The following STPG4 variants were observed in gnomAD, a reference collection of about 807,000 sequenced individuals.
The protein encoded by STPG4 is protein STPG4.
A neutral mutation model predicts 31.5 loss-of-function variants in STPG4; 41 were observed. The ratio of observed to expected loss-of-function variants is 1.30; its 90% CI spans 1.01 to 1.69. STPG4 has a LOEUF of 1.69. Ranked by LOEUF, STPG4 falls within the 40% of genes most tolerant of loss-of-function variation. STPG4 has a pLI of 0.00. For missense variants in STPG4, 375 were observed against 293.4 expected (o/e 1.28, Z -2.03); for synonymous variants, 141 against 103.0 (o/e 1.37, Z -2.24).
chr2:47,151,293 G>A lies in STPG4; in HGVS notation c.364C>T (p.Arg122Trp), dbSNP rs768222534. Residue 122 changes from arginine to tryptophan, a missense_variant, in exon 3 of 7, where the codon CGG becomes TGG. Physicochemically the swap from Arg to Trp is moderately radical, Grantham distance 101. Coordinates refer to ENST00000445927, the MANE Select transcript of STPG4 (RefSeq NM_001163561.2). ...TCAACTAGTGTGCTGGGGCTTGGCC[G>A]TGGTTTGTCTTTGAATGAGTAAGTA... ...VATYSFKDKP[R>W]PSPSTLVDKD... 10 of 1,614,072 alleles carry A rather than the reference G, an allele frequency of 6.2e-6. No homozygotes were observed. In the East Asian group the frequency reaches 1.1e-4, roughly 18 times the overall value.
intron 1 of STPG4, among the ~76,000 whole-genome samples, chr2:47,154,128 C>G (rs1243787988): frequency 6.6e-6 from 1 of 152,178 alleles, no homozygotes; most frequent in Non-Finnish European, 1.5e-5. Context: ...AAGTAATAAT[C>G]AGTAAAACTG....
chr2:47,103,812 C>T (rs1685848557), intron 5 of STPG4, among the ~76,000 whole-genome samples: 1 of 151,908 alleles, frequency 6.6e-6, no homozygotes, highest in Non-Finnish European at 1.5e-5. Flanking sequence ...TCATCACCCT[C>T]ACTGAGCCCC....
chr2:47,119,492 T>A (rs776000672), intron 5 of STPG4, among the ~76,000 whole-genome samples: 1 of 152,222 alleles, frequency 6.6e-6, no homozygotes, highest in Non-Finnish European at 1.5e-5. Flanking sequence ...TATTTTTCAG[T>A]TGTTCTGTAC....
chr2:47,152,209 G>A (rs1686952770), intron 2 of STPG4, among the ~76,000 whole-genome samples: 1 of 107,738 alleles, frequency 9.3e-6, no homozygotes, highest in African/African-American at 3.2e-5. Context: ...AATGTAGGAT[G>A]TTTCTCTCTA....
chr2:47,096,700 C>T (rs1381393324), intron 5 of STPG4, among the ~76,000 whole-genome samples: 1 of 152,178 alleles, frequency 6.6e-6, no homozygotes, highest in South Asian at 2.1e-4. Context: ...CAAATATTCA[C>T]TGAAACCTGC....
At chr2:47,117,928 A>C (rs79482508) in intron 5 of STPG4, among the ~76,000 whole-genome samples, 3 of 54,722 alleles carry the variant, frequency 5.5e-5, no homozygotes, top group Non-Finnish European at 1.2e-4. Flanking sequence ...ATATATATAT[A>C]TATTTTTTTT....
Position 47,090,289 on chromosome 2 carries a change from C to G in STPG4, c.605G>C (p.Arg202Pro). The change falls in exon 6 of 7, where the codon CGA (arginine) becomes CCA (proline). Residue 202 changes from arginine (R) to proline (P), a missense_variant. By Grantham distance (103) the Arg-to-Pro change is moderately radical. Coordinates refer to ENST00000445927, the MANE Select transcript of STPG4 (RefSeq NM_001163561.2). ...ACTTACTGAACAGCTGGGCAAGAAT[C>G]GAGGGACTCTGGATTGAAAACAAGA... ...VTSCFQSRVP[R>P]FLPSCSKTPG... is the part of the protein sequence containing the mutation. 1 of 1,551,400 alleles carries G rather than the reference C, an allele frequency of 6.4e-7. No individual in the cohort carries two copies. Among genetic ancestry groups the G allele is most frequent in the Non-Finnish European group, 8.7e-7 (1 of 1,146,690 alleles).
intron 3 of STPG4, among the ~76,000 whole-genome samples, chr2:47,144,932 G>A (rs1686789236): frequency 2.0e-5 from 3 of 152,176 alleles, no homozygotes; most frequent in Admixed American, 6.5e-5. Context: ...GGGTTTCACT[G>A]TGTTAGCCAG....
chr2:47,106,715 AATGCCTTTCAAATTCTT>A (rs1335173646), intron 5 of STPG4, among the ~76,000 whole-genome samples: 1 of 151,912 alleles, frequency 6.6e-6, no homozygotes, highest in Non-Finnish European at 1.5e-5. Context: ...GAAATCAGAC[AATGCCTTTCAAATTCTT>A]ATGCCAACCT....
intron 3 of STPG4, among the ~76,000 whole-genome samples, chr2:47,134,264 TC>T (rs1273491723): frequency 6.6e-6 from 1 of 152,214 alleles, no homozygotes; most frequent in African/African-American, 2.4e-5. Flanking sequence ...TGTTGTACTT[TC>T]AAGGGTTTTG....
At chr2:47,152,609 T>C (rs969183305) in intron 2 of STPG4, among the ~76,000 whole-genome samples, 1 of 152,236 alleles carries the variant, frequency 6.6e-6, no homozygotes, top group Admixed American at 6.5e-5. Context: ...GTCTTTACCA[T>C]ATAAGATAAA....
At chr2:47,110,104 T>C (rs1346814227) in intron 5 of STPG4, among the ~76,000 whole-genome samples, 9 of 152,204 alleles carry the variant, frequency 5.9e-5, no homozygotes, top group East Asian at 1.9e-4. Context: ...TTTTTCACTA[T>C]ATATACAACT....
At chr2:47,153,127 T>C (rs1454811953) in intron 1 of STPG4, 111 bp from the exon 2 acceptor site, 2 of 636,912 alleles carry the variant, frequency 3.1e-6, no homozygotes, top group Non-Finnish European at 5.3e-6. Context: ...CCAACTGATA[T>C]GTCTTCATTA....
chr2:47,138,056 G>T (rs1686632254), intron 3 of STPG4, among the ~76,000 whole-genome samples: 1 of 151,992 alleles, frequency 6.6e-6, no homozygotes, highest in African/African-American at 2.4e-5. Context: ...TTCCTAAGGT[G>T]CAGACTTACA....
rs187527132 is a variant in STPG4, at chr2:47,141,865, C to G, written c.399+9393G>C. On this transcript the variant is annotated intron_variant, in intron 3 of 6. Transcript: ENST00000445927. Reference sequence around the variant, plus strand: ...CCACTTTAGTGAACACACTGAACACCTGGGGGAGGGCTGTACATTCGGCGG... The same window carrying G: ...CCACTTTAGTGAACACACTGAACACGTGGGGGAGGGCTGTACATTCGGCGG... Among the ~76,000 whole-genome samples the G allele has an allele frequency of 8.1e-3, 1,213 of 149,556 alleles. 5 individuals are homozygous for G. Among genetic ancestry groups the G allele is most frequent in the Non-Finnish European group, 0.013 (883 of 67,624 alleles).
At chr2:47,123,563 G>A (rs1391166101) in intron 5 of STPG4, among the ~76,000 whole-genome samples, 1 of 152,196 alleles carries the variant, frequency 6.6e-6, no homozygotes, top group Non-Finnish European at 1.5e-5. Flanking sequence ...AATTTGAATA[G>A]GTGACTTGGG....
intron 5 of STPG4, among the ~76,000 whole-genome samples, chr2:47,093,396 G>C (rs1304554081): frequency 1.3e-5 from 2 of 152,184 alleles, no homozygotes; most frequent in Non-Finnish European, 2.9e-5. Flanking sequence ...TAAACACAAA[G>C]AAGCAAAACG....
intron 5 of STPG4, among the ~76,000 whole-genome samples, chr2:47,114,068 T>C (rs992917554): frequency 2.7e-5 from 4 of 150,336 alleles, no homozygotes; most frequent in African/African-American, 9.8e-5. Flanking sequence ...GATGCCCAAA[T>C]TTAGAAAAGA....
intron 5 of STPG4, chr2:47,108,255 C>T (rs1350096337): frequency 6.6e-6 from 1 of 151,670 alleles, no homozygotes; most frequent in African/African-American, 2.4e-5. Flanking sequence ...AAGCAGGCTC[C>T]CCGAGCCAGC....
Sources: gnomAD v4.1 joint callset for allele counts (sites outside exome capture counted in the v4.1 genomes callset) on GRCh38, gnomAD v4.1.1 for gene constraint, MANE v1.5 for transcripts, NCBI Gene and HGNC (gene_info 2026-07-23, HGNC 2026-07-21) for gene names.